Variants in ST6GALNAC3 observed in about 807,000 individuals in gnomAD.
The protein encoded by ST6GALNAC3 is alpha-N-acetylgalactosaminide alpha-2,6-sialyltransferase 3.
In ST6GALNAC3, 25 loss-of-function variants were observed where a neutral mutation model predicts 32.7. That is an observed-to-expected ratio of 0.76 (90% CI 0.56 to 1.07). The LOEUF is 1.07. ST6GALNAC3 is among the 50% of genes least tolerant of loss of function. The pLI is 0.00. For missense variants in ST6GALNAC3, 355 were observed against 382.4 expected, an observed-to-expected ratio of 0.93 and a Z score of 0.60; for synonymous variants, 129 against 133.1, an observed-to-expected ratio of 0.97 and a Z score of 0.21.
chr1:76,566,993 A>G (rs890247055), intron 3 of ST6GALNAC3, among the ~76,000 whole-genome samples: 6 of 152,132 alleles, frequency 3.9e-5, no homozygotes, highest in Non-Finnish European at 8.8e-5. Flanking sequence ...CCTACCCTTA[A>G]TAGATAGTTG....
At chr1:76,277,369 A>AAATG (rs1395231813) in intron 1 of ST6GALNAC3, among the ~76,000 whole-genome samples, 2 of 152,118 alleles carry the variant, frequency 1.3e-5, no homozygotes, top group East Asian at 3.9e-4. Context: ...GAAAGCCCAG[A>AAATG]AATGAATCCA....
At chr1:76,582,114 C>T (rs1025284869) in intron 3 of ST6GALNAC3, among the ~76,000 whole-genome samples, 3 of 152,078 alleles carry the variant, frequency 2.0e-5, no homozygotes, top group Non-Finnish European at 2.9e-5. Context: ...CCATTTTATT[C>T]AGAATATGTT....
Position 76,278,842 on chromosome 1 carries a change from G to A in ST6GALNAC3, c.19-34963G>A, listed in dbSNP as rs530485610. ...AAAGTCACAGAGCGAATGTGTTTAT[G>A]GTAAAGCCAGGATTTAAAATCAGGT... On this transcript the variant is annotated intron_variant, in intron 1 of 4. Coordinates refer to ENST00000328299, the MANE Select transcript of ST6GALNAC3 (RefSeq NM_152996.4). Among the ~76,000 whole-genome samples the A allele has an allele frequency of 4.6e-5, 7 of 152,180 alleles. 1 individual carries two copies. The East Asian group carries it at 1.4e-3, about 29-fold the overall frequency.
intron 3 of ST6GALNAC3, among the ~76,000 whole-genome samples, chr1:76,550,584 T>C (rs1271229014): frequency 6.6e-6 from 1 of 152,176 alleles, no homozygotes; most frequent in Non-Finnish European, 1.5e-5. Flanking sequence ...TGTAGGGGCT[T>C]AGTAGCCATG....
chr1:76,471,185 C>T (rs767000089), intron 3 of ST6GALNAC3, among the ~76,000 whole-genome samples: 3 of 152,096 alleles, frequency 2.0e-5, no homozygotes, highest in African/African-American at 4.8e-5. Flanking sequence ...TTTCCTGCCT[C>T]TGTGAGTGTC....
In ST6GALNAC3 at chr1:76,418,986, T is replaced by C. The variant is rs1466050036; in HGVS notation, c.623+6569T>C. 4.0e-5 allele frequency among the ~76,000 whole-genome samples: 6 copies of C among 151,064 alleles called. No homozygotes were observed. In the East Asian group the frequency reaches 1.2e-3, roughly 29 times the overall value. ...TAATAATGGGAGGTAGGGAAGGGCA[T>C]TTGTAATTTATAAAGATATCAGTAC... On this transcript the variant is annotated intron_variant, in intron 3 of 4. Transcript: ENST00000328299.
chr1:76,419,336 T>A (rs1654869153), intron 3 of ST6GALNAC3, among the ~76,000 whole-genome samples: 1 of 152,092 alleles, frequency 6.6e-6, no homozygotes, highest in South Asian at 2.1e-4. Context: ...GCTCAACAGT[T>A]CTCTAGATGT....
intron 1 of ST6GALNAC3, among the ~76,000 whole-genome samples, chr1:76,254,655 C>G (rs1402456818): frequency 6.6e-6 from 1 of 151,918 alleles, no homozygotes; most frequent in Non-Finnish European, 1.5e-5. Context: ...CTAGTTAATG[C>G]CACTATCTGC....
chr1:76,551,440 C>T (rs1664630961), intron 3 of ST6GALNAC3, among the ~76,000 whole-genome samples: 1 of 152,126 alleles, frequency 6.6e-6, no homozygotes, highest in Non-Finnish European at 1.5e-5. Context: ...TTATTTTTAG[C>T]TGCATTGCAG....
chr1:76,368,904 C>G (rs1650596349), intron 2 of ST6GALNAC3, among the ~76,000 whole-genome samples: 1 of 152,134 alleles, frequency 6.6e-6, no homozygotes, highest in Admixed American at 6.6e-5. Flanking sequence ...CTACTAACAA[C>G]TTGGTCCACA....
At position 76,631,815 on chromosome 1, in the gene ST6GALNAC3, C is replaced by T. The variant is rs1401725837; in HGVS notation, c.*3009C>T. ...AAAATAATAGACTAAACATTATTTT[C>T]TGTTATGCATAATTCTATGAAAAAG... On this transcript the variant is annotated 3_prime_UTR_variant, in exon 5 of 5. Transcript: ENST00000328299. The T allele has an allele frequency of 6.6e-6, 1 of 152,030 alleles. No homozygotes were observed. Among genetic ancestry groups the T allele is most frequent in the Non-Finnish European group, 1.5e-5 (1 of 67,974 alleles). The allele number at this position is 152,030 out of a possible 1,614,324, so 9.4% of individuals were successfully genotyped here.
At chr1:76,517,830 T>G (rs1041371582) in intron 3 of ST6GALNAC3, among the ~76,000 whole-genome samples, 1 of 151,978 alleles carries the variant, frequency 6.6e-6, no homozygotes, top group African/African-American at 2.4e-5. Flanking sequence ...TGTATGCAAT[T>G]GGAGAGTTTT....
intron 2 of ST6GALNAC3, among the ~76,000 whole-genome samples, chr1:76,315,948 A>T (rs1007256171): frequency 6.6e-6 from 1 of 152,138 alleles, no homozygotes; most frequent in African/African-American, 2.4e-5. Context: ...ACCAGAATTT[A>T]TATGTACATT....
intron 1 of ST6GALNAC3, among the ~76,000 whole-genome samples, chr1:76,112,139 G>A (rs1648022461): frequency 1.5e-5 from 2 of 131,194 alleles, no homozygotes; most frequent in South Asian, 2.5e-4. Flanking sequence ...CCTCCCTCCC[G>A]GACAGGGCGG....
At chr1:76,487,952 C>T (rs1043287847) in intron 3 of ST6GALNAC3, among the ~76,000 whole-genome samples, 15 of 152,106 alleles carry the variant, frequency 9.9e-5, no homozygotes, top group Non-Finnish European at 1.5e-5. Context: ...ACAGTCAGGA[C>T]CCTCAGCTGC....
chr1:76,541,153 T>C (rs1351627995), intron 3 of ST6GALNAC3, among the ~76,000 whole-genome samples: 1 of 152,158 alleles, frequency 6.6e-6, no homozygotes, highest in Non-Finnish European at 1.5e-5. Context: ...CTTAAAATAT[T>C]GAGCAGAGAA....
At chr1:76,341,611 T>TTCTC (rs1232529676) in intron 2 of ST6GALNAC3, among the ~76,000 whole-genome samples, 1 of 89,452 alleles carries the variant, frequency 1.1e-5, no homozygotes, top group Admixed American at 1.1e-4. Flanking sequence ...CTGCTTTTCT[T>TTCTC]TCTTTCTTTC....
At chr1:76,270,699 G>A (rs1435936182) in intron 1 of ST6GALNAC3, among the ~76,000 whole-genome samples, 2 of 151,974 alleles carry the variant, frequency 1.3e-5, no homozygotes, top group South Asian at 2.1e-4. Flanking sequence ...TGACAGGGCC[G>A]GGAGAGGGAG....
intron 2 of ST6GALNAC3, among the ~76,000 whole-genome samples, chr1:76,394,244 G>A (rs1652777021): frequency 6.6e-6 from 1 of 152,174 alleles, no homozygotes; most frequent in Non-Finnish European, 1.5e-5. Flanking sequence ...CAGAGCCAAT[G>A]CTTCCTTTTA....
Sources: allele counts gnomAD v4.1 joint callset (sites outside exome capture counted in the v4.1 genomes callset), GRCh38; gene constraint gnomAD v4.1.1; transcripts MANE v1.5; gene names NCBI Gene and HGNC (gene_info 2026-07-23, HGNC 2026-07-21).